TMEM108: variants seen among roughly 807,000 people sequenced by gnomAD.
The protein encoded by TMEM108 is cancer/testis antigen 124.
Under a neutral mutation model 35.1 loss-of-function variants are expected in TMEM108, and 12 were observed. The ratio of observed to expected loss-of-function variants is 0.34; its 90% CI spans 0.22 to 0.55. The LOEUF (loss-of-function observed/expected upper bound fraction) is 0.55. Ranked by LOEUF, TMEM108 falls within the 20% of genes least tolerant of loss-of-function variation. The pLI, the probability that TMEM108 is intolerant of heterozygous loss-of-function variation, is 0.89. For missense variants in TMEM108, 680 were observed against 753.3 expected, an observed-to-expected ratio of 0.90 and a Z score of 1.14; for synonymous variants, 287 against 308.6, an observed-to-expected ratio of 0.93 and a Z score of 0.73.
At chr3:133,058,638 A>G (rs9821791) in intron 2 of TMEM108, among the ~76,000 whole-genome samples, 60,605 of 152,182 alleles carry the variant, frequency 0.4, 12,818 homozygotes, top group Admixed American at 0.5. Context: ...GAGGAGACCA[A>G]GAGGTGCCAA....
intron 2 of TMEM108, among the ~76,000 whole-genome samples, chr3:133,057,205 A>T (rs966139214): frequency 1.3e-5 from 2 of 151,878 alleles, no homozygotes; most frequent in Admixed American, 1.3e-4. Flanking sequence ...CTCTTGCTCA[A>T]ATGATTTAAG....
At chr3:133,150,437 A>C (rs1005348098) in intron 2 of TMEM108, among the ~76,000 whole-genome samples, 3 of 149,446 alleles carry the variant, frequency 2.0e-5, no homozygotes, top group Non-Finnish European at 4.4e-5. Flanking sequence ...TATAATAGCA[A>C]ATATTTTCTC....
intron 2 of TMEM108, among the ~76,000 whole-genome samples, chr3:133,058,609 G>C (rs1943501171): frequency 6.6e-6 from 1 of 152,352 alleles, no homozygotes; most frequent in South Asian, 2.1e-4. Context: ...ACGCACTTGA[G>C]GGGTGAGAGG....
At chr3:133,174,943 A>G (rs1443264368) in intron 2 of TMEM108, among the ~76,000 whole-genome samples, 1 of 152,188 alleles carries the variant, frequency 6.6e-6, no homozygotes, top group Non-Finnish European at 1.5e-5. Context: ...AATTAGACGA[A>G]TGGATAACTA....
intron 3 of TMEM108, among the ~76,000 whole-genome samples, chr3:133,349,506 G>C (rs771485040): frequency 2.0e-5 from 3 of 152,002 alleles, no homozygotes; most frequent in Non-Finnish European, 4.4e-5. Context: ...AGAGTGAAGA[G>C]ATGGCCTAAA....
chr3:133,186,315 GT>G (rs977616948), intron 2 of TMEM108, among the ~76,000 whole-genome samples: 1 of 152,186 alleles, frequency 6.6e-6, no homozygotes, highest in African/African-American at 2.4e-5. Flanking sequence ...AGAGAGAATG[GT>G]TGCTTAACAG....
intron 2 of TMEM108, chr3:133,119,101 T>A (rs1944320912): frequency 6.6e-6 from 1 of 152,188 alleles, no homozygotes; most frequent in Admixed American, 6.5e-5. Flanking sequence ...GTACAGTGGC[T>A]GGAAACGGCA....
intron 2 of TMEM108, among the ~76,000 whole-genome samples, chr3:133,182,981 C>T (rs1438898177): frequency 3.9e-5 from 6 of 152,112 alleles, no homozygotes; most frequent in East Asian, 1.9e-4. Flanking sequence ...TCTGAAATTT[C>T]GGGAGCCAGA....
intron 3 of TMEM108, among the ~76,000 whole-genome samples, chr3:133,376,730 G>C (rs1362932713): frequency 2.0e-5 from 3 of 152,056 alleles, no homozygotes; most frequent in Non-Finnish European, 2.9e-5. Context: ...CCTCAGATTG[G>C]TTTTCCCTGT....
At chr3:133,125,690 A>G (rs1327554129) in intron 2 of TMEM108, among the ~76,000 whole-genome samples, 1 of 152,210 alleles carries the variant, frequency 6.6e-6, no homozygotes, top group Non-Finnish European at 1.5e-5. Context: ...TTTAACGGAT[A>G]AAGTTTTACT....
At chr3:133,085,318 T>C (rs1388057663) in intron 2 of TMEM108, among the ~76,000 whole-genome samples, 1 of 152,206 alleles carries the variant, frequency 6.6e-6, no homozygotes, top group East Asian at 1.9e-4. Context: ...GATGGATGTC[T>C]GAAGGATAAT....
At chr3:133,199,733 C>G (rs1403695623) in intron 2 of TMEM108, among the ~76,000 whole-genome samples, 1 of 152,200 alleles carries the variant, frequency 6.6e-6, no homozygotes, top group African/African-American at 2.4e-5. Flanking sequence ...CTTGAGGAGG[C>G]AGTCTGTCCA....
At chr3:133,262,478 G>C (rs1290715048) in intron 3 of TMEM108, among the ~76,000 whole-genome samples, 23 of 152,142 alleles carry the variant, frequency 1.5e-4, no homozygotes. Context: ...GAGCATCCTG[G>C]TACCAGACGT....
chr3:133,196,665 A>G (rs372785974), intron 2 of TMEM108, among the ~76,000 whole-genome samples: 14 of 152,330 alleles, frequency 9.2e-5, no homozygotes, highest in African/African-American at 3.4e-4. Context: ...TTAACACAAT[A>G]GACATTTATC....
At chr3:133,199,965 G>C (rs920285200) in intron 2 of TMEM108, among the ~76,000 whole-genome samples, 9 of 152,152 alleles carry the variant, frequency 5.9e-5, no homozygotes, top group Admixed American at 5.2e-4. Context: ...CCTCAGCAAT[G>C]GCAGGCACCC....
intron 5 of TMEM108, among the ~76,000 whole-genome samples, chr3:133,393,622 G>T (rs1164634999): frequency 6.6e-6 from 1 of 152,190 alleles, no homozygotes; most frequent in Non-Finnish European, 1.5e-5. Context: ...CTTTAGTGTG[G>T]CCTGTACACA....
intron 3 of TMEM108, among the ~76,000 whole-genome samples, chr3:133,326,933 C>T (rs1168340712): frequency 1.3e-5 from 2 of 152,194 alleles, no homozygotes. Context: ...TTCCCACCTC[C>T]GTTAGGTGCT....
intron 2 of TMEM108, among the ~76,000 whole-genome samples, chr3:133,047,290 G>A (rs779798427): frequency 4.6e-5 from 7 of 152,102 alleles, no homozygotes; most frequent in Admixed American, 3.9e-4. Flanking sequence ...TCTATATCCT[G>A]TATATCCTGT....
At chr3:133,196,803 G>C (rs1945584738) in intron 2 of TMEM108, among the ~76,000 whole-genome samples, 1 of 152,170 alleles carries the variant, frequency 6.6e-6, no homozygotes, top group South Asian at 2.1e-4. Context: ...TTGTAGGATG[G>C]CAAGTTTATC....
Sources: gnomAD v4.1 joint callset for allele counts (sites outside exome capture counted in the v4.1 genomes callset) on GRCh38, gnomAD v4.1.1 for gene constraint, MANE v1.5 for transcripts, NCBI Gene and HGNC (gene_info 2026-07-23, HGNC 2026-07-21) for gene names.